The following PCDH11X variants were observed in gnomAD, a reference collection of about 807,000 sequenced individuals.
The protein encoded by PCDH11X is protocadherin 11 X-linked, also known as protocadherin-11 X-linked.
PCDH11X carries 18 observed loss-of-function variants against 53.3 expected under a neutral mutation model. The observed-to-expected ratio is 0.34, with a 90% confidence interval of 0.23 to 0.50. PCDH11X has a LOEUF of 0.50. PCDH11X is among the 20% of genes least tolerant of loss of function. The pLI is 0.98. For synonymous variants in PCDH11X, 279 were observed against 393.3 expected (o/e 0.71, Z 3.44); for missense variants, 570 against 1,032.4 (o/e 0.55, Z 6.14).
chrX:91,884,048 G>A (rs1260835375), intron 6 of PCDH11X: 39 of 266,807 alleles, frequency 1.5e-4, no homozygotes, highest in Non-Finnish European at 1.8e-4. Flanking sequence ...AAAATTAGCC[G>A]GGCGTGGTAA....
At chrX:92,463,160 T>C (rs1163353510) in intron 9 of PCDH11X, among the ~76,000 whole-genome samples, 1 of 110,354 alleles carries the variant, frequency 9.1e-6, no homozygotes, top group African/African-American at 3.3e-5. Flanking sequence ...GGAACAATTA[T>C]ATTCTATTTC....
chrX:91,806,773 C>A (rs1472120409), intron 1 of PCDH11X, among the ~76,000 whole-genome samples: 3 of 111,755 alleles, frequency 2.7e-5, no homozygotes, highest in Non-Finnish European at 5.6e-5. Flanking sequence ...GGGCTAGTGT[C>A]GATATTCCTT....
At chrX:92,218,039 GAC>G (rs2066762014) in intron 7 of PCDH11X, among the ~76,000 whole-genome samples, 1 of 110,082 alleles carries the variant, frequency 9.1e-6, no homozygotes. Context: ...GAATCTCTGG[GAC>G]ACATTTAAAG....
At chrX:92,315,927 T>C (rs1265778382) in intron 8 of PCDH11X, among the ~76,000 whole-genome samples, 1 of 100,240 alleles carries the variant, frequency 1.0e-5, no homozygotes, top group African/African-American at 3.7e-5. Context: ...ATTACTCAAT[T>C]AATACAAGTA....
intron 9 of PCDH11X, among the ~76,000 whole-genome samples, chrX:92,443,499 C>A (rs914390552): frequency 9.0e-6 from 1 of 111,122 alleles, no homozygotes; most frequent in African/African-American, 3.3e-5. Flanking sequence ...CTGATAGTTT[C>A]TTTTGTTGTG....
intron 6 of PCDH11X, among the ~76,000 whole-genome samples, chrX:91,898,793 G>A (rs1183237823): frequency 3.6e-5 from 4 of 109,791 alleles, no homozygotes; most frequent in Non-Finnish European, 7.6e-5. Context: ...TTAAGAAAAA[G>A]TGAAGCTAAC....
At chrX:92,146,870 A>G (rs1408803870) in intron 6 of PCDH11X, among the ~76,000 whole-genome samples, 1 of 110,052 alleles carries the variant, frequency 9.1e-6, no homozygotes, top group Non-Finnish European at 1.9e-5. Flanking sequence ...GTGGTTGTCC[A>G]TGCCTGTGAT....
intron 7 of PCDH11X, among the ~76,000 whole-genome samples, chrX:92,240,193 T>C (rs1461075209): frequency 1.8e-5 from 2 of 111,514 alleles, no homozygotes; most frequent in Non-Finnish European, 3.8e-5. Context: ...CACTAGTTGT[T>C]TTCAAATTTT....
At chrX:92,230,603 T>A in intron 7 of PCDH11X, among the ~76,000 whole-genome samples, 1 of 96,223 alleles carries the variant, frequency 1.0e-5, no homozygotes, top group Admixed American at 1.3e-4. Context: ...AATATATATA[T>A]AATATATACA....
At chrX:91,826,333 G>A (rs1157272096) in intron 4 of PCDH11X, among the ~76,000 whole-genome samples, 2 of 111,196 alleles carry the variant, frequency 1.8e-5, no homozygotes, top group Non-Finnish European at 3.8e-5. Flanking sequence ...ATTCCTTCCT[G>A]AAAACCAGGC....
chrX:92,103,148 G>A (rs1026344374), intron 6 of PCDH11X, among the ~76,000 whole-genome samples: 5 of 110,552 alleles, frequency 4.5e-5, no homozygotes, highest in South Asian at 3.9e-4. Context: ...GGAGAAGGGC[G>A]GCAATGAGAT....
intron 1 of PCDH11X, among the ~76,000 whole-genome samples, chrX:91,792,019 G>A (rs1469835361): frequency 2.7e-5 from 3 of 109,211 alleles, no homozygotes; most frequent in East Asian, 2.9e-4. Context: ...CCGCCACCGC[G>A]CCTGGCTAAC....
chrX:92,387,040 G>A (rs1284158825), intron 8 of PCDH11X, among the ~76,000 whole-genome samples: 6 of 101,363 alleles, frequency 5.9e-5, no homozygotes, highest in East Asian at 3.0e-4. Context: ...TTCTTCTTTC[G>A]GAAACCAAAT....
In PCDH11X at chrX:91,915,770, G is replaced by A. The variant is rs2524606; in HGVS notation, c.3033+36497G>A. 8.3e-3 allele frequency among the ~76,000 whole-genome samples: 920 copies of A among 111,134 alleles called. 8 individuals are homozygous for A. Among genetic ancestry groups the A allele is most frequent in the African/African-American group, 0.024 (740 of 30,623 alleles). The stretch of plus-strand genomic sequence containing the variant: ...TGCAGGACTTCAATACTCCACTGCC[G>A]GCACTAGACAGGTCATCAAGGCAAA... On this transcript the variant is annotated intron_variant, in intron 6 of 10. Transcript: ENST00000682573.
intron 1 of PCDH11X, among the ~76,000 whole-genome samples, chrX:91,790,288 A>C (rs1195548303): frequency 8.9e-6 from 1 of 112,272 alleles, no homozygotes; most frequent in East Asian, 2.8e-4. Context: ...GACAGTTTGT[A>C]CATACGATTA....
chrX:92,193,214 T>A (rs926197386), intron 6 of PCDH11X, among the ~76,000 whole-genome samples: 15 of 111,936 alleles, frequency 1.3e-4, no homozygotes, highest in Non-Finnish European at 3.8e-5. Context: ...AAAAAGACAT[T>A]ATTTTATGTG....
chrX:92,439,441 T>A (rs1254999693), intron 9 of PCDH11X, among the ~76,000 whole-genome samples: 8 of 111,066 alleles, frequency 7.2e-5, no homozygotes, highest in Non-Finnish European at 1.3e-4. Context: ...ATGTAATGAA[T>A]GACCAAACCA....
chrX:92,522,327 A>T (rs1344804888), intron 10 of PCDH11X, among the ~76,000 whole-genome samples: 14 of 111,985 alleles, frequency 1.3e-4, no homozygotes, highest in African/African-American at 4.5e-4. Flanking sequence ...AAAGAGAGAG[A>T]TGGGAAAATG....
intron 6 of PCDH11X, among the ~76,000 whole-genome samples, chrX:92,069,080 T>C (rs754177760): frequency 3.1e-4 from 34 of 109,916 alleles, no homozygotes; most frequent in Non-Finnish European, 5.3e-4. Context: ...GGGTGAAGTC[T>C]CTAACTATTA....
Sources: allele counts gnomAD v4.1 joint callset (sites outside exome capture counted in the v4.1 genomes callset), GRCh38; gene constraint gnomAD v4.1.1; transcripts MANE v1.5; gene names NCBI Gene and HGNC (gene_info 2026-07-23, HGNC 2026-07-21).